ZNF423: variants seen among roughly 807,000 people sequenced by gnomAD.
The protein encoded by ZNF423 is zinc finger protein 423.
In ZNF423, 12 loss-of-function variants were observed where a neutral mutation model predicts 95.8. The ratio of observed to expected loss-of-function variants is 0.13; its 90% CI spans 0.08 to 0.20. The LOEUF (loss-of-function observed/expected upper bound fraction) is 0.20, where lower values mean the gene tolerates loss of function less well. ZNF423 is among the 10% of genes least tolerant of loss of function. The probability of loss-of-function intolerance (pLI) is 1.00; values close to 1 mark genes in which losing one functional copy is unlikely to be tolerated. For synonymous variants in ZNF423, 749 were observed against 711.9 expected (o/e 1.05, Z -0.83); for missense variants, 1,316 against 1,737.1 (o/e 0.76, Z 4.31).
At chr16:49,826,813 T>C (rs2035009801) in intron 1 of ZNF423, 1 of 152,126 alleles carries the variant, frequency 6.6e-6, no homozygotes, top group Admixed American at 6.5e-5. Flanking sequence ...CAACAAAACC[T>C]CCTTAATCTT....
intron 1 of ZNF423, chr16:49,854,323 G>T (rs2035333186): frequency 5.1e-6 from 5 of 985,420 alleles, no homozygotes; most frequent in Non-Finnish European, 6.0e-6. Flanking sequence ...ATCTCTGCTG[G>T]GCCGGGGGCA....
At chr16:49,670,673 G>A (rs563628191) in intron 3 of ZNF423, among the ~76,000 whole-genome samples, 35 of 152,196 alleles carry the variant, frequency 2.3e-4, no homozygotes, top group Admixed American at 1.3e-3. Context: ...CACATGCTCC[G>A]GCTCCCCCTG....
chr16:49,495,508 T>G (rs1335057803), intron 7 of ZNF423, among the ~76,000 whole-genome samples: 1 of 152,240 alleles, frequency 6.6e-6, no homozygotes, highest in Non-Finnish European at 1.5e-5. Flanking sequence ...AAGCCCAGCA[T>G]TCATTTCATG....
chr16:49,736,221 C>T (rs866531080), intron 2 of ZNF423, among the ~76,000 whole-genome samples: 7 of 152,132 alleles, frequency 4.6e-5, no homozygotes, highest in African/African-American at 1.2e-4. Flanking sequence ...TATTGTCTGA[C>T]GATAAGTATT....
intron 2 of ZNF423, among the ~76,000 whole-genome samples, chr16:49,788,830 G>A (rs913717693): frequency 1.3e-5 from 2 of 152,254 alleles, no homozygotes; most frequent in African/African-American, 4.8e-5. Context: ...CCCTCATTCA[G>A]GAGCTCCCAA....
intron 3 of ZNF423, among the ~76,000 whole-genome samples, chr16:49,677,135 T>C (rs1596836311): frequency 6.7e-6 from 1 of 149,672 alleles, no homozygotes; most frequent in South Asian, 2.2e-4. Context: ...GGAGAATCGC[T>C]GGAACCCGGG....
chr16:49,819,002 C>G (rs1567358173), intron 1 of ZNF423, among the ~76,000 whole-genome samples: 1 of 151,838 alleles, frequency 6.6e-6, no homozygotes, highest in Non-Finnish European at 1.5e-5. Flanking sequence ...GCCTGTAATC[C>G]CAGCTCTTTG....
At position 49,817,574 on chromosome 16, in the gene ZNF423, C is replaced by T. The variant is rs1003442185; in HGVS notation, c.41-28028G>A. On this transcript the variant is annotated intron_variant, in intron 1 of 7. Transcript: ENST00000563137. ...GGTGCGGGTCCAGAGCCACACAGAACGCCTGATACCGCCTTAGCCTGATTG... is the reference window on the plus strand; with the variant it reads ...GGTGCGGGTCCAGAGCCACACAGAATGCCTGATACCGCCTTAGCCTGATTG... 1.3e-4 allele frequency among the ~76,000 whole-genome samples: 20 copies of T among 152,258 alleles called. No homozygotes were observed. The East Asian group carries it at 2.5e-3, about 19-fold the overall frequency.
intron 2 of ZNF423, among the ~76,000 whole-genome samples, chr16:49,770,767 A>G (rs535006289): frequency 2.3e-4 from 35 of 152,316 alleles, no homozygotes; most frequent in Admixed American, 2.2e-3. Context: ...GCCCTACTAC[A>G]TCACCCACCA....
chr16:49,814,244 A>G (rs1396293312), intron 1 of ZNF423, among the ~76,000 whole-genome samples: 1 of 152,040 alleles, frequency 6.6e-6, no homozygotes, highest in Non-Finnish European at 1.5e-5. Context: ...ATCACCTGTA[A>G]AATGGACATG....
intron 3 of ZNF423, among the ~76,000 whole-genome samples, chr16:49,688,685 T>A (rs1286485109): frequency 2.6e-5 from 4 of 152,142 alleles, no homozygotes; most frequent in African/African-American, 9.7e-5. Context: ...TTAAAACACA[T>A]CCACAAACAA....
chr16:49,585,786 T>C (rs1970811512), intron 5 of ZNF423, among the ~76,000 whole-genome samples: 1 of 152,150 alleles, frequency 6.6e-6, no homozygotes, highest in South Asian at 2.1e-4. Flanking sequence ...AAGGGATAAT[T>C]ACAAGGTGTC....
chr16:49,792,032 G>A (rs1378787860), intron 1 of ZNF423, among the ~76,000 whole-genome samples: 1 of 142,962 alleles, frequency 7.0e-6, no homozygotes, highest in African/African-American at 2.5e-5. Flanking sequence ...GAAAGAAAGT[G>A]GATCGGTGGT....
chr16:49,785,852 G>T (rs1171967866), intron 2 of ZNF423, among the ~76,000 whole-genome samples: 2 of 152,356 alleles, frequency 1.3e-5, no homozygotes, highest in Non-Finnish European at 2.9e-5. Context: ...CACACCTATG[G>T]CCTGGCAAGG....
chr16:49,626,365 C>T (rs1438618723), intron 4 of ZNF423, 111 bp from the exon 5 acceptor site: 2 of 888,734 alleles, frequency 2.3e-6, no homozygotes, highest in Admixed American at 1.9e-5. Context: ...GTTCCAGTCC[C>T]CTCCTAGGTC....
chr16:49,715,961 T>C (rs2085319871), intron 3 of ZNF423, among the ~76,000 whole-genome samples: 1 of 151,902 alleles, frequency 6.6e-6, no homozygotes, highest in South Asian at 2.1e-4. Flanking sequence ...GGTGGAAGGA[T>C]TGCTTGAGCC....
At chr16:49,652,758 G>A (rs1246087216) in intron 3 of ZNF423, among the ~76,000 whole-genome samples, 2 of 152,204 alleles carry the variant, frequency 1.3e-5, no homozygotes, top group African/African-American at 2.4e-5. Flanking sequence ...GGCCGTGTTC[G>A]TGGACCTGGG....
intron 5 of ZNF423, among the ~76,000 whole-genome samples, chr16:49,608,130 G>A (rs566301332): frequency 5.8e-4 from 89 of 152,310 alleles, no homozygotes; most frequent in African/African-American, 2.0e-3. Context: ...TGTCAGGTGG[G>A]ACCCCACCCC....
chr16:49,617,737 A>G (rs1971925743), intron 5 of ZNF423, among the ~76,000 whole-genome samples: 1 of 152,140 alleles, frequency 6.6e-6, no homozygotes, highest in African/African-American at 2.4e-5. Context: ...CCAGCCTGGA[A>G]CCCGGAAAGT....
Sources: allele counts gnomAD v4.1 joint callset (sites outside exome capture counted in the v4.1 genomes callset), GRCh38; gene constraint gnomAD v4.1.1; transcripts MANE v1.5; gene names NCBI Gene and HGNC (gene_info 2026-07-23, HGNC 2026-07-21).